WNT7A: variants seen among roughly 807,000 people sequenced by gnomAD.
The protein encoded by WNT7A is protein Wnt-7a.
WNT7A carries 16 observed loss-of-function variants against 28.2 expected under a neutral mutation model. That is an observed-to-expected ratio of 0.57 (90% CI 0.38 to 0.86). The LOEUF is 0.86. WNT7A is among the 40% of genes least tolerant of loss of function. The pLI, the probability that WNT7A is intolerant of heterozygous loss-of-function variation, is 0.00. For synonymous variants in WNT7A, 190 were observed against 195.9 expected (o/e 0.97, Z 0.25); for missense variants, 411 against 489.7 (o/e 0.84, Z 1.52).
intron 1 of WNT7A, among the ~76,000 whole-genome samples, chr3:13,876,750 G>A (rs1433538079): frequency 1.3e-5 from 2 of 151,966 alleles, no homozygotes; most frequent in Admixed American, 1.3e-4. Flanking sequence ...CCTCTCCCTG[G>A]AAGCGCTCTC....
intron 2 of WNT7A, among the ~76,000 whole-genome samples, chr3:13,873,746 C>T (rs1391115219): frequency 1.3e-5 from 2 of 152,010 alleles, no homozygotes; most frequent in African/African-American, 2.4e-5. Context: ...TCGACAAGGT[C>T]GAAAAGGTCT....
intron 2 of WNT7A, among the ~76,000 whole-genome samples, chr3:13,869,428 AAAG>A (rs1277893165): frequency 9.3e-6 from 1 of 107,596 alleles, no homozygotes; most frequent in Non-Finnish European, 1.9e-5. Context: ...GAAACAAAGA[AAAG>A]AAGAAAGAAA....
At chr3:13,843,182 C>T (rs1489256942) in intron 3 of WNT7A, among the ~76,000 whole-genome samples, 1 of 152,170 alleles carries the variant, frequency 6.6e-6, no homozygotes. Flanking sequence ...AGAGCTAGAA[C>T]AGTCCTTAGG....
chr3:13,850,189 C>G (rs772758968), intron 3 of WNT7A, among the ~76,000 whole-genome samples: 2 of 152,210 alleles, frequency 1.3e-5, no homozygotes, highest in Non-Finnish European at 2.9e-5. Flanking sequence ...ATGCCTCCTT[C>G]CAGCCTGGCC....
At chr3:13,830,289 C>A (rs1166428258) in intron 3 of WNT7A, among the ~76,000 whole-genome samples, 3 of 152,204 alleles carry the variant, frequency 2.0e-5, no homozygotes, top group Admixed American at 2.0e-4. Flanking sequence ...GCCCCTCAAC[C>A]TCAGGCTGGA....
chr3:13,856,912 A>AAGAAGAAGAAGAAGG (rs1694745623), intron 2 of WNT7A, among the ~76,000 whole-genome samples: 2 of 89,140 alleles, frequency 2.2e-5, no homozygotes, highest in African/African-American at 1.2e-4. Flanking sequence ...GAAGAAGAAG[A>AAGAAGAAGAAGAAGG]AGAAGAAGAA....
intron 2 of WNT7A, among the ~76,000 whole-genome samples, chr3:13,856,893 A>AAAT (rs1559303190): frequency 1.2e-4 from 9 of 73,350 alleles, no homozygotes; most frequent in African/African-American, 5.2e-4. Context: ...AGAAGAAGAA[A>AAAT]AAGAAGAAGA....
intron 2 of WNT7A, among the ~76,000 whole-genome samples, chr3:13,858,669 C>T (rs1694785309): frequency 6.6e-6 from 1 of 152,220 alleles, no homozygotes; most frequent in South Asian, 2.1e-4. Flanking sequence ...TGGGCTTCCT[C>T]AGCACCCACT....
At chr3:13,848,032 A>T (rs1022049740) in intron 3 of WNT7A, among the ~76,000 whole-genome samples, 4 of 151,934 alleles carry the variant, frequency 2.6e-5, no homozygotes, top group African/African-American at 9.7e-5. Context: ...TTAAAAAAGA[A>T]ATTTTCATTG....
intron 3 of WNT7A, among the ~76,000 whole-genome samples, chr3:13,851,524 C>A (rs935944218): frequency 4.6e-5 from 7 of 152,292 alleles, no homozygotes; most frequent in African/African-American, 7.2e-5. Context: ...CAAGAGGAAA[C>A]AAACCACTCT....
chr3:13,854,544 C>T lies in WNT7A; in HGVS notation c.558G>A (p.Glu186=), dbSNP rs1283895471. ...CCTGGCTTCCTACCTTTCGGCCTGC[C>T]TCGTTGTTGTGCAAGTTCATGAGAG... The part of the protein sequence containing the change: ...ARTLMNLHNN[E]AGRKILEENM... Residue 186 remains glutamate, a synonymous_variant, in exon 3 of 4, where the codon GAG becomes GAA. Transcript: ENST00000285018. 6.2e-7 allele frequency: 1 copy of T among 1,614,054 alleles called. No homozygotes were observed. The highest frequency in any genetic ancestry group is 8.5e-7 in the Non-Finnish European group (1 of 1,180,062).
intron 3 of WNT7A, among the ~76,000 whole-genome samples, chr3:13,822,427 C>G (rs1460506462): frequency 6.6e-6 from 1 of 152,166 alleles, no homozygotes; most frequent in Non-Finnish European, 1.5e-5. Context: ...CATGGATGAG[C>G]CTTGAAAACA....
At chr3:13,827,705 T>C (rs1299152629) in intron 3 of WNT7A, among the ~76,000 whole-genome samples, 1 of 152,124 alleles carries the variant, frequency 6.6e-6, no homozygotes, top group East Asian at 1.9e-4. Flanking sequence ...CCATGCCACA[T>C]GGTGCTCCTA....
intron 3 of WNT7A, among the ~76,000 whole-genome samples, chr3:13,825,513 T>G (rs1694179428): frequency 6.6e-6 from 1 of 152,226 alleles, no homozygotes; most frequent in Non-Finnish European, 1.5e-5. Context: ...TTCTGAGGAA[T>G]AAATTAAATG....
intron 3 of WNT7A, among the ~76,000 whole-genome samples, chr3:13,828,660 G>A (rs764086223): frequency 2.0e-5 from 3 of 152,186 alleles, no homozygotes; most frequent in South Asian, 2.1e-4. Flanking sequence ...CCAGGACCTC[G>A]AGGGCTGGAG....
At chr3:13,845,352 GGAAGCCACGAGCCACAGGTGGCTA>G (rs1182094736) in intron 3 of WNT7A, among the ~76,000 whole-genome samples, 1 of 152,194 alleles carries the variant, frequency 6.6e-6, no homozygotes. Context: ...TGGTCTAGTA[GGAAGCCACGAGCCACAGGTGGCTA>G]CCAAGCACTT....
intron 2 of WNT7A, among the ~76,000 whole-genome samples, chr3:13,869,422 CAAAGAAAAGAAG>C (rs1485192762): frequency 5.0e-5 from 4 of 80,308 alleles, no homozygotes; most frequent in African/African-American, 2.0e-4. Context: ...AAGAAAGAAA[CAAAGAAAAGAAG>C]AAAGAAAAGA....
intron 3 of WNT7A, among the ~76,000 whole-genome samples, chr3:13,837,286 C>T (rs1204373916): frequency 1.3e-5 from 2 of 152,026 alleles, no homozygotes; most frequent in African/African-American, 4.8e-5. Flanking sequence ...TCCTCCAGTT[C>T]CTCAGCTCCG....
chr3:13,841,631 G>T (rs1468631756), intron 3 of WNT7A, among the ~76,000 whole-genome samples: 1 of 152,216 alleles, frequency 6.6e-6, no homozygotes, highest in Non-Finnish European at 1.5e-5. Flanking sequence ...TTCATGTGCT[G>T]CTGGCCCACT....
Sources: allele counts gnomAD v4.1 joint callset (sites outside exome capture counted in the v4.1 genomes callset), GRCh38; gene constraint gnomAD v4.1.1; transcripts MANE v1.5; gene names NCBI Gene and HGNC (gene_info 2026-07-23, HGNC 2026-07-21).